The following SKAP1 variants were observed in gnomAD, a reference collection of about 807,000 sequenced individuals.
SKAP1 encodes src kinase associated phosphoprotein 1.
In SKAP1, 44 loss-of-function variants were observed where a neutral mutation model predicts 58.5. That is an observed-to-expected ratio of 0.75 (90% CI 0.59 to 0.97). SKAP1 has a LOEUF of 0.97. Among genes scored for constraint, SKAP1 ranks in the 50% least tolerant of loss-of-function variants. SKAP1 has a pLI of 0.00. For missense variants in SKAP1, 390 were observed against 435.2 expected, an observed-to-expected ratio of 0.90 and a Z score of 0.92; for synonymous variants, 127 against 149.7, an observed-to-expected ratio of 0.85 and a Z score of 1.11.
chr17:48,252,144 A>C lies in SKAP1; in HGVS notation c.281-62644T>G, dbSNP rs563137254. On this transcript the variant is annotated intron_variant, in intron 4 of 12. Coordinates refer to ENST00000336915, the MANE Select transcript of SKAP1 (RefSeq NM_003726.4). ...TGACTTATCAGGTCAGTGACCAACAAACTATAAAATAGATTCTAACAGCCC... is the reference window on the plus strand; with the variant it reads ...TGACTTATCAGGTCAGTGACCAACACACTATAAAATAGATTCTAACAGCCC... Among the ~76,000 whole-genome samples, 6 of 152,326 alleles carry C rather than the reference A, an allele frequency of 3.9e-5. No individual in the cohort carries two copies. In the South Asian group the frequency reaches 1.2e-3, roughly 32 times the overall value.
chr17:48,279,664 T>C (rs1236714837), intron 4 of SKAP1, among the ~76,000 whole-genome samples: 1 of 152,238 alleles, frequency 6.6e-6, no homozygotes, highest in African/African-American at 2.4e-5. Context: ...TGAAGCCACT[T>C]GGGTGTCATG....
chr17:48,239,076 T>A (rs1567833570), intron 4 of SKAP1, among the ~76,000 whole-genome samples: 1 of 152,212 alleles, frequency 6.6e-6, no homozygotes, highest in Non-Finnish European at 1.5e-5. Flanking sequence ...TGGCCTTACT[T>A]CTGATTTTCT....
Position 48,396,278 on chromosome 17 carries a change from G to A in SKAP1, c.152+402C>T, listed in dbSNP as rs577610060. 9.2e-5 allele frequency among the ~76,000 whole-genome samples: 14 copies of A among 152,264 alleles called. No individual in the cohort carries two copies. In the South Asian group the frequency reaches 2.9e-3, roughly 32 times the overall value. ...AAGTCTCATTTAAGTTTTCTATGAG[G>A]TAAGGAGATGTGGAAGTAAAATCAG... On this transcript the variant is annotated intron_variant, in intron 2 of 12. Transcript: ENST00000336915.
intron 3 of SKAP1, among the ~76,000 whole-genome samples, chr17:48,352,082 GAA>G (rs1159148144): frequency 2.6e-5 from 3 of 114,458 alleles, no homozygotes; most frequent in Non-Finnish European, 3.8e-5. Context: ...CAAGAAAAGA[GAA>G]AAAAAAAAAA....
chr17:48,224,271 G>A (rs1379225524), intron 4 of SKAP1, among the ~76,000 whole-genome samples: 2 of 152,134 alleles, frequency 1.3e-5, no homozygotes, highest in African/African-American at 4.8e-5. Context: ...TTATCCTATG[G>A]GTGTAGGACA....
At chr17:48,271,358 G>GTT (rs2065630105) in intron 4 of SKAP1, among the ~76,000 whole-genome samples, 1 of 120,660 alleles carries the variant, frequency 8.3e-6, no homozygotes, top group Admixed American at 8.4e-5. Context: ...TTGTTTCTTT[G>GTT]TTTCTTTTTT....
intron 8 of SKAP1, among the ~76,000 whole-genome samples, chr17:48,181,375 C>T (rs1466599026): frequency 2.0e-5 from 3 of 152,118 alleles, no homozygotes; most frequent in Non-Finnish European, 2.9e-5. Flanking sequence ...GTATATTACA[C>T]GCATAAATCC....
intron 1 of SKAP1, among the ~76,000 whole-genome samples, chr17:48,410,934 C>CAAAAAAAAAAAA (rs61705374): frequency 1.5e-5 from 1 of 66,972 alleles, no homozygotes. Flanking sequence ...GACTCCATTT[C>CAAAAAAAAAAAA]AAAAAAAAAA....
At chr17:48,292,148 A>C (rs984769789) in intron 4 of SKAP1, among the ~76,000 whole-genome samples, 1 of 114,842 alleles carries the variant, frequency 8.7e-6, no homozygotes, top group Non-Finnish European at 2.0e-5. Context: ...AAAAAAAAAG[A>C]AAGAAAGAAA....
At chr17:48,185,173 G>A (rs138419692) in intron 6 of SKAP1, 154 of 235,038 alleles carry the variant, frequency 6.6e-4, no homozygotes, top group African/African-American at 3.5e-3. Context: ...CTGTAAATGT[G>A]AGGCTCTTGA....
intron 4 of SKAP1, among the ~76,000 whole-genome samples, chr17:48,269,359 G>C (rs1235015160): frequency 7.2e-5 from 11 of 152,090 alleles, no homozygotes; most frequent in Non-Finnish European, 1.6e-4. Context: ...GTCTACACCA[G>C]GACTAGAGAT....
chr17:48,321,832 C>A (rs2066371927), intron 4 of SKAP1, among the ~76,000 whole-genome samples: 2 of 152,164 alleles, frequency 1.3e-5, no homozygotes, highest in South Asian at 4.1e-4. Flanking sequence ...AAAATATGAA[C>A]CTGACTAAGT....
At chr17:48,233,144 A>T (rs141083551) in intron 4 of SKAP1, among the ~76,000 whole-genome samples, 183 of 152,324 alleles carry the variant, frequency 1.2e-3, no homozygotes, top group African/African-American at 4.3e-3. Flanking sequence ...ATTTTACAAA[A>T]GAAATGCTCC....
intron 11 of SKAP1, among the ~76,000 whole-genome samples, chr17:48,157,762 C>T (rs999443181): frequency 6.6e-6 from 1 of 151,798 alleles, no homozygotes; most frequent in African/African-American, 2.4e-5. Flanking sequence ...CTCCTGACCT[C>T]GGGTGATCTG....
intron 4 of SKAP1, among the ~76,000 whole-genome samples, chr17:48,244,769 C>G (rs140463706): frequency 6.6e-6 from 1 of 152,220 alleles, no homozygotes; most frequent in East Asian, 1.9e-4. Flanking sequence ...AAAGAAGATG[C>G]GTTCACAGGG....
intron 4 of SKAP1, among the ~76,000 whole-genome samples, chr17:48,279,514 T>C (rs977154875): frequency 6.6e-6 from 1 of 152,200 alleles, no homozygotes; most frequent in Non-Finnish European, 1.5e-5. Context: ...CTGGAAATTT[T>C]ACATGAAAGA....
chr17:48,262,664 T>TA (rs1193821026), intron 4 of SKAP1, among the ~76,000 whole-genome samples: 3 of 152,212 alleles, frequency 2.0e-5, no homozygotes, highest in African/African-American at 7.2e-5. Flanking sequence ...AAAAAGCCCA[T>TA]AAAACAGATT....
At chr17:48,434,243 TG>T (rs1378871957), upstream of SKAP1, among the ~76,000 whole-genome samples, 1 of 152,178 alleles carries the variant, frequency 6.6e-6, no homozygotes, top group Non-Finnish European at 1.5e-5. Context: ...TTAAGAGATG[TG>T]GAAGGAGAGA....
chr17:48,156,331 T>C (rs978201285), intron 11 of SKAP1: 2 of 235,260 alleles, frequency 8.5e-6, no homozygotes, highest in African/African-American at 2.3e-5. Context: ...TTTTCCCTGC[T>C]CTATTCAAAC....
Sources: gnomAD v4.1 joint callset for allele counts (sites outside exome capture counted in the v4.1 genomes callset) on GRCh38, gnomAD v4.1.1 for gene constraint, MANE v1.5 for transcripts, NCBI Gene and HGNC (gene_info 2026-07-23, HGNC 2026-07-21) for gene names.